The following RCN3 variants were observed in gnomAD, a reference collection of about 807,000 sequenced individuals.
RCN3 encodes the protein reticulocalbin-3.
RCN3 carries 41 observed loss-of-function variants against 35.9 expected under a neutral mutation model. The observed-to-expected ratio is 1.14, with a 90% CI of 0.89 to 1.48. The LOEUF is 1.48. Ranked by LOEUF, RCN3 falls within the 40% of genes most tolerant of loss-of-function variation. RCN3 has a pLI of 0.00. For missense variants in RCN3, 451 were observed against 471.3 expected (o/e 0.96, Z 0.40); for synonymous variants, 187 against 193.4 (o/e 0.97, Z 0.27).
chr19:49,529,450 C>T (rs930915512), intron 2 of RCN3, among the ~76,000 whole-genome samples: 23 of 152,148 alleles, frequency 1.5e-4, no homozygotes, highest in African/African-American at 5.1e-4. Context: ...CAGGCCTGAG[C>T]GCAGGGGGGC....
At chr19:49,537,626 C>T (rs1436802948) in intron 4 of RCN3, among the ~76,000 whole-genome samples, 3 of 151,958 alleles carry the variant, frequency 2.0e-5, no homozygotes, top group East Asian at 1.9e-4. Context: ...CCTGCCTCAG[C>T]GTCCCGAGTA....
At chr19:49,540,396 G>A (rs763532174) in intron 5 of RCN3, among the ~76,000 whole-genome samples, 2 of 152,030 alleles carry the variant, frequency 1.3e-5, no homozygotes, top group Non-Finnish European at 2.9e-5. Flanking sequence ...CACTTTGGGA[G>A]GCTGAGATGG....
chr19:49,528,273 C>T, intron 1 of RCN3, 194 bp from the exon 2 acceptor site: 2 of 509,252 alleles, frequency 3.9e-6, no homozygotes, highest in Middle Eastern at 5.5e-4. Context: ...ATTCGGTCCT[C>T]CCCATAGGTG....
At chr19:49,537,599 C>T (rs971382712) in intron 4 of RCN3, among the ~76,000 whole-genome samples, 3 of 151,286 alleles carry the variant, frequency 2.0e-5, no homozygotes, top group Non-Finnish European at 3.0e-5. Context: ...CTCCGCCTCC[C>T]GGGTTCAAGC....
At chr19:49,530,134 C>G (rs1212316974) in intron 2 of RCN3, among the ~76,000 whole-genome samples, 1 of 151,562 alleles carries the variant, frequency 6.6e-6, no homozygotes, top group Non-Finnish European at 1.5e-5. Context: ...CAAGTGAACG[C>G]CTCCACATCC....
intron 5 of RCN3, 79 bp downstream of exon 5, chr19:49,539,258 ACATCACCCAT>A: frequency 1.7e-6 from 2 of 1,149,808 alleles, no homozygotes; most frequent in South Asian, 2.8e-5. Flanking sequence ...AGCCGGAGGT[ACATCACCCAT>A]CATCAGAGAA....
At chr19:49,534,704 C>T (rs547620675) in intron 3 of RCN3, among the ~76,000 whole-genome samples, 1 of 152,110 alleles carries the variant, frequency 6.6e-6, no homozygotes, top group East Asian at 1.9e-4. Flanking sequence ...AAACCTGGGC[C>T]CTCAAATTAA....
intron 2 of RCN3, 25 bp from the exon 3 acceptor site, chr19:49,534,168 G>T (rs1373635726): frequency 6.8e-7 from 1 of 1,475,268 alleles, no homozygotes; most frequent in Admixed American, 2.2e-5. Context: ...ACCAGAGCCT[G>T]ACGTGTGCCC....
At position 49,528,708 on chromosome 19, in the gene RCN3, G is replaced by A. The variant is rs373868597; in HGVS notation, c.236G>A (p.Arg79His). ...DQLTPEESQA[R>H]LGRIVDRMDR... ...CTCACCCCAGAGGAAAGCCAGGCCC[G>A]TCTGGGGTAAGAGAGACATTCGGTT... Residue 79 changes from arginine (R) to histidine (H), a missense_variant, in exon 2 of 7, where the codon CGT becomes CAT. Arg to His is a conservative substitution (Grantham distance 29, BLOSUM62 0). Coordinates refer to ENST00000270645, the MANE Select transcript of RCN3 (RefSeq NM_020650.3). 6 of 1,588,832 alleles carry A rather than the reference G, an allele frequency of 3.8e-6. No homozygotes were observed. Among genetic ancestry groups the A allele is most frequent in the South Asian group, 1.1e-5 (1 of 87,752 alleles).
chr19:49,537,788 C>T lies in RCN3; in HGVS notation c.618+583C>T, dbSNP rs143298865. Among the ~76,000 whole-genome samples, 24 of 150,652 alleles carry T rather than the reference C, an allele frequency of 1.6e-4. No individual in the cohort carries two copies. The East Asian group carries it at 3.7e-3, about 23-fold the overall frequency. On this transcript the variant is annotated intron_variant, in intron 4 of 6. Transcript: ENST00000270645. ...TGCTAGGATTATAGGCATGAGCCAC[C>T]GTGCCCGGCCAATTTTTAATTTTTT...
chr19:49,537,117 A>G lies in RCN3; in HGVS notation c.530A>G (p.Gln177Arg), dbSNP rs764024028. The part of the protein sequence containing the change: ...RDERRFRVAD[Q>R]DGDSMATREE... ...GAGCGGCGTTTCCGGGTGGCCGACC[A>G]GGATGGGGACTCGATGGCCACTCGA... Residue 177 changes from glutamine (Q) to arginine (R), a missense_variant, in exon 4 of 7, where the codon CAG (glutamine) becomes CGG (arginine). By Grantham distance (43) the Gln-to-Arg change is conservative. Coordinates refer to ENST00000270645, the MANE Select transcript of RCN3 (RefSeq NM_020650.3). 1.9e-6 allele frequency: 3 copies of G among 1,598,706 alleles called. No individual in the cohort carries two copies. Among genetic ancestry groups the G allele is most frequent in the Admixed American group, 3.4e-5 (2 of 58,670 alleles).
At chr19:49,536,389 C>A (rs1037197602) in intron 3 of RCN3, among the ~76,000 whole-genome samples, 10 of 149,326 alleles carry the variant, frequency 6.7e-5, no homozygotes, top group African/African-American at 2.0e-4. Context: ...CAACCTCATC[C>A]TCCTGGGTTC....
intron 5 of RCN3, among the ~76,000 whole-genome samples, chr19:49,541,315 T>G (rs2080161833): frequency 6.6e-6 from 1 of 152,166 alleles, no homozygotes; most frequent in Non-Finnish European, 1.5e-5. Flanking sequence ...TCCTCCATTA[T>G]ATAGATGACA....
chr19:49,533,699 G>T (rs1405713095), intron 2 of RCN3, among the ~76,000 whole-genome samples: 1 of 150,794 alleles, frequency 6.6e-6, no homozygotes, highest in African/African-American at 2.4e-5. Flanking sequence ...CGCGCAGCCT[G>T]GTAAGGGGGA....
Position 49,528,476 on chromosome 19 carries a change from A to T in RCN3, c.4A>T (p.Met2Leu). ...CTTTGCCACTCCCCAGGGACCGATGATGTGGCGACCATCAGTTCTGCTGCT... is the reference window on the plus strand; with the variant it reads ...CTTTGCCACTCCCCAGGGACCGATGTTGTGGCGACCATCAGTTCTGCTGCT... M[M>L]WRPSVLLLLL... is the part of the protein sequence containing the mutation. Residue 2 changes from methionine to leucine, a missense_variant, in exon 2 of 7, where the codon ATG (methionine) becomes TTG (leucine). Physicochemically the swap from Met to Leu is conservative, Grantham distance 15. Transcript: ENST00000270645. The T allele has an allele frequency of 6.7e-7, 1 of 1,502,306 alleles. No individual in the cohort carries two copies. Among genetic ancestry groups the T allele is most frequent in the East Asian group, 2.5e-5 (1 of 40,624 alleles). The allele number at this position is 1,502,306 out of a possible 1,614,324, so 93.1% of individuals were successfully genotyped here.
Position 49,534,409 on chromosome 19 carries a change from C to G in RCN3, c.445+14C>G. 6.5e-7 allele frequency: 1 copy of G among 1,537,330 alleles called. No individual in the cohort carries two copies. The highest frequency in any genetic ancestry group is 8.7e-7 in the Non-Finnish European group (1 of 1,145,162). On this transcript the variant is annotated intron_variant, in intron 3 of 6. Coordinates refer to ENST00000270645, the MANE Select transcript of RCN3 (RefSeq NM_020650.3). ...ACTACGCGCCCGGTACGCGGCGAGC[C>G]CCCGACCCTGCTCCCCATACACCGT...
At chr19:49,537,523 T>C (rs1295270619) in intron 4 of RCN3, among the ~76,000 whole-genome samples, 1 of 151,972 alleles carries the variant, frequency 6.6e-6, no homozygotes, top group Non-Finnish European at 1.5e-5. Context: ...TTTTTTTTTT[T>C]TGAGACATAG....
intron 3 of RCN3, among the ~76,000 whole-genome samples, chr19:49,535,999 T>G (rs1461616581): frequency 1.3e-5 from 2 of 149,350 alleles, no homozygotes; most frequent in East Asian, 1.9e-4. Flanking sequence ...TGCTTTTTTT[T>G]TTTTGTGAGG....
intron 3 of RCN3, 97 bp downstream of exon 3, chr19:49,534,492 C>T: frequency 7.7e-7 from 1 of 1,305,472 alleles, no homozygotes; most frequent in Non-Finnish European, 1.0e-6. Flanking sequence ...TACCCGGAGT[C>T]CCTGGCCCCT....
Sources: gnomAD v4.1 joint callset for allele counts (sites outside exome capture counted in the v4.1 genomes callset) on GRCh38, gnomAD v4.1.1 for gene constraint, MANE v1.5 for transcripts, NCBI Gene and HGNC (gene_info 2026-07-23, HGNC 2026-07-21) for gene names.